The following NEGR1 variants were observed in gnomAD, a reference collection of about 807,000 sequenced individuals.
NEGR1 encodes the protein IgLON family member 4.
A neutral mutation model predicts 40.9 loss-of-function variants in NEGR1; 10 were observed. That is an observed-to-expected ratio of 0.24 (90% confidence interval 0.15 to 0.42). The LOEUF (loss-of-function observed/expected upper bound fraction) is 0.42. Among genes scored for constraint, NEGR1 ranks in the 10% least tolerant of loss-of-function variants. NEGR1 has a pLI of 1.00. For missense variants in NEGR1, 352 were observed against 438.9 expected, an observed-to-expected ratio of 0.80 and a Z score of 1.77; for synonymous variants, 185 against 166.8, an observed-to-expected ratio of 1.11 and a Z score of -0.84.
chr1:71,994,775 C>T (rs150710478), intron 1 of NEGR1, among the ~76,000 whole-genome samples: 5 of 152,076 alleles, frequency 3.3e-5, no homozygotes, highest in Non-Finnish European at 7.4e-5. Flanking sequence ...GTGTTCGAGA[C>T]CTAGAACCAT....
At chr1:71,829,986 C>T (rs1410172322) in intron 2 of NEGR1, among the ~76,000 whole-genome samples, 2 of 151,876 alleles carry the variant, frequency 1.3e-5, no homozygotes, top group Non-Finnish European at 2.9e-5. Context: ...TTAATCCTTT[C>T]CTCTGGTCTA....
intron 6 of NEGR1, among the ~76,000 whole-genome samples, chr1:71,504,381 C>T (rs1307060759): frequency 6.7e-6 from 1 of 150,098 alleles, no homozygotes; most frequent in Admixed American, 6.6e-5. Flanking sequence ...AAGACTAGAT[C>T]AAGATCCCCC....
intron 2 of NEGR1, among the ~76,000 whole-genome samples, chr1:71,830,778 TA>T (rs1250259037): frequency 1.3e-5 from 2 of 151,990 alleles, no homozygotes; most frequent in South Asian, 2.1e-4. Flanking sequence ...GTTTAGATTT[TA>T]GTTGTTATAA....
chr1:71,787,053 A>G (rs1475943121), intron 2 of NEGR1, among the ~76,000 whole-genome samples: 2 of 152,198 alleles, frequency 1.3e-5, no homozygotes, highest in East Asian at 3.9e-4. Context: ...CTTGGGAAGC[A>G]CTTCAGCTCA....
intron 2 of NEGR1, among the ~76,000 whole-genome samples, chr1:71,931,733 C>A (rs1645857123): frequency 6.6e-6 from 1 of 152,144 alleles, no homozygotes; most frequent in African/African-American, 2.4e-5. Context: ...AATTTTCCAA[C>A]ACATGAACTT....
At chr1:72,143,940 T>TATATATATATATATA (rs1650805293) in intron 1 of NEGR1, among the ~76,000 whole-genome samples, 1 of 137,914 alleles carries the variant, frequency 7.3e-6, no homozygotes, top group African/African-American at 2.7e-5. Context: ...TATATATATA[T>TATATATATATATATA]TCATCCATTC....
rs149920021 is a variant in NEGR1, at chr1:72,200,502, T to C, written c.176+81817A>G. ...GACACAAAGATGGCAACAATAGATA[T>C]TGTAGACTCATTGAGCAGGGAAGGC... On this transcript the variant is annotated intron_variant, in intron 1 of 6. Transcript: ENST00000357731. Among the ~76,000 whole-genome samples, 143 of 151,896 alleles carry C rather than the reference T, an allele frequency of 9.4e-4. 3 individuals are homozygous for C. The South Asian group carries it at 0.022, about 24-fold the overall frequency.
intron 2 of NEGR1, among the ~76,000 whole-genome samples, chr1:71,809,049 C>A (rs550210646): frequency 6.6e-6 from 1 of 152,244 alleles, no homozygotes; most frequent in Admixed American, 6.5e-5. Context: ...AAGAGCTTTA[C>A]CTATTGCTTA....
chr1:71,584,886 G>T (rs995778364), intron 6 of NEGR1, among the ~76,000 whole-genome samples: 4 of 152,054 alleles, frequency 2.6e-5, no homozygotes, highest in African/African-American at 4.8e-5. Context: ...TCACATTTTG[G>T]CCTAATTAGT....
At position 71,809,445 on chromosome 1, in the gene NEGR1, T is replaced by C. The variant is rs1451353727; in HGVS notation, c.410-33148A>G. Among the ~76,000 whole-genome samples the C allele has an allele frequency of 2.6e-5, 4 of 152,206 alleles. No individual in the cohort carries two copies. The East Asian group carries it at 7.7e-4, about 29-fold the overall frequency. On this transcript the variant is annotated intron_variant, in intron 2 of 6. Transcript: ENST00000357731. ...AATCATTTATTCACAAATTATTTCT[T>C]GTGTGTCATCTATTTCTTAGGCTTT...
chr1:71,683,926 C>A (rs2101613403), intron 4 of NEGR1, among the ~76,000 whole-genome samples: 1 of 152,174 alleles, frequency 6.6e-6, no homozygotes, highest in Admixed American at 6.5e-5. Context: ...GGTAGATAAA[C>A]AATGTAAAAA....
chr1:72,089,573 A>G (rs115297573), intron 1 of NEGR1, among the ~76,000 whole-genome samples: 3,366 of 152,312 alleles, frequency 0.022, 132 homozygotes, highest in African/African-American at 0.077. Flanking sequence ...GTAAAATAAT[A>G]GCATTTATTC....
chr1:71,703,734 C>T (rs549364557), intron 3 of NEGR1, among the ~76,000 whole-genome samples: 1 of 151,856 alleles, frequency 6.6e-6, no homozygotes, highest in South Asian at 2.1e-4. Context: ...GAGTACATAA[C>T]ATTGCCAAAT....
chr1:72,109,637 G>T (rs1397233963), intron 1 of NEGR1, among the ~76,000 whole-genome samples: 3 of 151,428 alleles, frequency 2.0e-5, no homozygotes, highest in African/African-American at 7.3e-5. Context: ...TGTGTTCTTA[G>T]TATGAAGGCA....
chr1:71,844,411 T>C (rs1479534417), intron 2 of NEGR1, among the ~76,000 whole-genome samples: 1 of 152,200 alleles, frequency 6.6e-6, no homozygotes, highest in Non-Finnish European at 1.5e-5. Flanking sequence ...AAATCAGTTT[T>C]ACTTATGGTT....
chr1:72,084,807 T>C (rs2100533679), intron 1 of NEGR1, among the ~76,000 whole-genome samples: 1 of 152,036 alleles, frequency 6.6e-6, no homozygotes, highest in Middle Eastern at 3.4e-3. Flanking sequence ...AATGGAAAAA[T>C]GAAAAGAAAA....
chr1:72,041,799 AAT>A (rs1646957049), intron 1 of NEGR1, among the ~76,000 whole-genome samples: 1 of 147,196 alleles, frequency 6.8e-6, no homozygotes, highest in African/African-American at 2.5e-5. Context: ...GTATTTCTTA[AAT>A]ATATATGTAA....
At chr1:71,532,280 C>T (rs866013806) in intron 6 of NEGR1, among the ~76,000 whole-genome samples, 1 of 151,522 alleles carries the variant, frequency 6.6e-6, no homozygotes, top group South Asian at 2.1e-4. Context: ...TAAAAACACA[C>T]TTAACAGCAA....
intron 6 of NEGR1, among the ~76,000 whole-genome samples, chr1:71,446,383 T>C (rs2101321089): frequency 6.6e-6 from 1 of 152,318 alleles, no homozygotes; most frequent in Non-Finnish European, 1.5e-5. Flanking sequence ...TTAAATGTCA[T>C]GAAATAGTGA....
Sources: allele counts gnomAD v4.1 joint callset (sites outside exome capture counted in the v4.1 genomes callset), GRCh38; gene constraint gnomAD v4.1.1; transcripts MANE v1.5; gene names NCBI Gene and HGNC (gene_info 2026-07-23, HGNC 2026-07-21).